PAFAH1B2: variants seen among roughly 807,000 people sequenced by gnomAD.
The protein encoded by PAFAH1B2 is platelet-activating factor acetylhydrolase IB subunit alpha2.
In PAFAH1B2, 8 loss-of-function variants were observed where a neutral mutation model predicts 28.0. That is an observed-to-expected ratio of 0.29 (90% CI 0.17 to 0.52). The LOEUF is 0.52. PAFAH1B2 is among the 20% of genes least tolerant of loss of function. The probability of loss-of-function intolerance (pLI) is 0.97; values close to 1 mark genes in which losing one functional copy is unlikely to be tolerated. For synonymous variants in PAFAH1B2, 104 were observed against 103.2 expected (o/e 1.01, Z -0.05); for missense variants, 190 against 282.6 (o/e 0.67, Z 2.35).
intron 4 of PAFAH1B2, among the ~76,000 whole-genome samples, chr11:117,163,554 TC>T (rs1162588522): frequency 1.3e-5 from 2 of 151,708 alleles, no homozygotes; most frequent in Non-Finnish European, 2.9e-5. Flanking sequence ...ATGCCTGTAG[TC>T]CCAGCTACTC....
chr11:117,149,821 G>A (rs1393541103), intron 1 of PAFAH1B2, among the ~76,000 whole-genome samples: 3 of 152,228 alleles, frequency 2.0e-5, no homozygotes, highest in South Asian at 2.1e-4. Flanking sequence ...ATATACAAAT[G>A]TGTAGGTAGT....
chr11:117,158,059 A>AC (rs1956290941), intron 2 of PAFAH1B2, among the ~76,000 whole-genome samples: 1 of 151,918 alleles, frequency 6.6e-6, no homozygotes, highest in South Asian at 2.1e-4. Context: ...AATTGGTTGA[A>AC]CCCGGGAGGT....
intron 2 of PAFAH1B2, among the ~76,000 whole-genome samples, chr11:117,153,158 C>G (rs1389738886): frequency 6.6e-6 from 1 of 152,232 alleles, no homozygotes; most frequent in Non-Finnish European, 1.5e-5. Flanking sequence ...GAATTTGTTA[C>G]TGTAAGTAAA....
downstream of PAFAH1B2, among the ~76,000 whole-genome samples, chr11:117,178,091 GCTCT>G (rs776865089): frequency 4.6e-5 from 7 of 152,190 alleles, no homozygotes; most frequent in South Asian, 2.1e-4. Context: ...AGGGTATAAA[GCTCT>G]CTAAGTTTCT....
At chr11:117,175,890 TTTC>T (rs1483730184), downstream of PAFAH1B2, 2 of 1,535,252 alleles carry the variant, frequency 1.3e-6, no homozygotes, top group Non-Finnish European at 1.7e-6. Context: ...ATCACGAGTG[TTTC>T]TTAATGTTTC....
Position 117,148,792 on chromosome 11 carries a change from C to T in PAFAH1B2, c.-7-3649C>T, listed in dbSNP as rs148211300. Among the ~76,000 whole-genome samples the T allele has an allele frequency of 2.6e-4, 39 of 152,172 alleles. No homozygotes were observed. In the East Asian group the frequency reaches 6.4e-3, roughly 25 times the overall value. The stretch of plus-strand genomic sequence containing the variant: ...AAGAGATCGTATAATTTATATAGAT[C>T]ATTGGTCTTGAAAGAGTGTGTGTAT... On this transcript the variant is annotated intron_variant, in intron 1 of 5. Transcript: ENST00000527958.
chr11:117,175,583 C>A, downstream of PAFAH1B2: 1 of 1,142,424 alleles, frequency 8.8e-7, no homozygotes. Context: ...AGGGAGCAAA[C>A]AGAAATAGTG....
intron 3 of PAFAH1B2, among the ~76,000 whole-genome samples, chr11:117,160,705 C>G (rs1417248595): frequency 1.3e-5 from 2 of 152,024 alleles, no homozygotes; most frequent in African/African-American, 4.8e-5. Flanking sequence ...GATCCACGTG[C>G]CTTGGCCTCA....
intron 1 of PAFAH1B2, among the ~76,000 whole-genome samples, chr11:117,150,012 A>G (rs1384821395): frequency 1.3e-5 from 2 of 151,802 alleles, no homozygotes; most frequent in Non-Finnish European, 1.5e-5. Flanking sequence ...CCTCAAAAAC[A>G]AAAAAAAGAC....
Position 117,170,811 on chromosome 11 carries a change from C to T in PAFAH1B2, c.*3112C>T. ...TATGGAAATGAGGAGCATGTCCAAGCTCCTAAATCCGTGTGGGTGCATGTG... is the reference window on the plus strand; with the variant it reads ...TATGGAAATGAGGAGCATGTCCAAGTTCCTAAATCCGTGTGGGTGCATGTG... On this transcript the variant is annotated 3_prime_UTR_variant, in exon 6 of 6. Transcript: ENST00000527958. 1 of 1,060,080 alleles carries T rather than the reference C, an allele frequency of 9.4e-7. No homozygotes were observed. Among genetic ancestry groups the T allele is most frequent in the South Asian group, 4.6e-5 (1 of 21,926 alleles). 65.7% of individuals were successfully genotyped at this position (1,060,080 alleles called of 1,614,324 possible).
intron 5 of PAFAH1B2, among the ~76,000 whole-genome samples, chr11:117,166,420 T>G (rs1956511708): frequency 6.6e-6 from 1 of 152,218 alleles, no homozygotes; most frequent in South Asian, 2.1e-4. Context: ...TTAATTATGG[T>G]GTTGTCCATA....
chr11:117,151,517 C>T (rs1956152080), intron 1 of PAFAH1B2, among the ~76,000 whole-genome samples: 1 of 152,058 alleles, frequency 6.6e-6, no homozygotes, highest in East Asian at 1.9e-4. Context: ...GCGTGAGCCA[C>T]CACACCCAGC....
downstream of PAFAH1B2, among the ~76,000 whole-genome samples, chr11:117,173,757 C>G (rs1450289258): frequency 6.6e-6 from 1 of 152,204 alleles, no homozygotes; most frequent in African/African-American, 2.4e-5. Flanking sequence ...ATCTAACATG[C>G]ATCCAGTCTT....
At position 117,169,282 on chromosome 11, in the gene PAFAH1B2, A is replaced by G. The variant is rs970945586; in HGVS notation, c.*1583A>G. ...ATTTGTTGATCTTAATGTTCGAGCTATATAAGAACTGCCATTAAAAAAAAT... is the reference window on the plus strand; with the variant it reads ...ATTTGTTGATCTTAATGTTCGAGCTGTATAAGAACTGCCATTAAAAAAAAT... On this transcript the variant is annotated 3_prime_UTR_variant, in exon 6 of 6. Transcript: ENST00000527958. 13 of 1,040,540 alleles carry G rather than the reference A, an allele frequency of 1.2e-5. No individual in the cohort carries two copies. The highest frequency in any genetic ancestry group is 1.2e-4 in the African/African-American group (7 of 59,722). The allele number at this position is 1,040,540 out of a possible 1,614,324, so 64.5% of individuals were successfully genotyped here.
intron 5 of PAFAH1B2, among the ~76,000 whole-genome samples, chr11:117,166,768 AATAG>A (rs1956521431): frequency 6.6e-6 from 1 of 152,248 alleles, no homozygotes; most frequent in East Asian, 1.9e-4. Flanking sequence ...ATGTGGCATT[AATAG>A]ATGATGTGTA....
At position 117,163,796 on chromosome 11, in the gene PAFAH1B2, T is replaced by C. The variant is rs1241664657; in HGVS notation, c.315T>C (p.Asn105=). The change falls in exon 5 of 6, where the codon AAT becomes AAC. Residue 105 remains asparagine (N), a synonymous_variant. Coordinates refer to ENST00000527958, the MANE Select transcript of PAFAH1B2 (RefSeq NM_002572.4). Reference sequence around the variant, plus strand: ...TCATTGTTGTCTGGGTAGGAACAAATAACCACGAAAATACAGCAGAAGAAG... The same window carrying C: ...TCATTGTTGTCTGGGTAGGAACAAACAACCACGAAAATACAGCAGAAGAAG... The part of the protein sequence containing the change: ...PKVIVVWVGT[N]NHENTAEEVA... 1.2e-6 allele frequency: 2 copies of C among 1,613,660 alleles called. No individual in the cohort carries two copies. Among genetic ancestry groups the C allele is most frequent in the Non-Finnish European group, 8.5e-7 (1 of 1,179,860 alleles).
Position 117,169,740 on chromosome 11 carries a change from A to AT in PAFAH1B2, c.*2048dup, listed in dbSNP as rs1956606757. 3.8e-6 allele frequency: 4 copies of AT among 1,057,950 alleles called. No homozygotes were observed. Among genetic ancestry groups the AT allele is most frequent in the Non-Finnish European group, 4.6e-6 (4 of 874,864 alleles). 65.5% of individuals were successfully genotyped at this position (1,057,950 alleles called of 1,614,324 possible). Reference sequence around the variant, plus strand: ...GCCCAGGTTGAGTTTTTCACAAGAGATTTTTTTCTTAGCTGAGGTATAGTT... The same window carrying AT: ...GCCCAGGTTGAGTTTTTCACAAGAGATTTTTTTTCTTAGCTGAGGTATAGTT... On this transcript the variant is annotated 3_prime_UTR_variant, in exon 6 of 6. Transcript: ENST00000527958.
At chr11:117,171,322 A>C (rs1367415251), downstream of PAFAH1B2, among the ~76,000 whole-genome samples, 1 of 152,178 alleles carries the variant, frequency 6.6e-6, no homozygotes, top group Non-Finnish European at 1.5e-5. Flanking sequence ...CAGATAGGTT[A>C]GTCTGGATTA....
chr11:117,160,773 A>G (rs1030393808), intron 3 of PAFAH1B2, among the ~76,000 whole-genome samples: 4 of 151,786 alleles, frequency 2.6e-5, no homozygotes, highest in African/African-American at 4.8e-5. Context: ...GAAATTTAAA[A>G]GATAGCTTTT....
Sources: allele counts gnomAD v4.1 joint callset (sites outside exome capture counted in the v4.1 genomes callset), GRCh38; gene constraint gnomAD v4.1.1; transcripts MANE v1.5; gene names NCBI Gene and HGNC (gene_info 2026-07-23, HGNC 2026-07-21).